LGALS9C: variants seen among roughly 807,000 people sequenced by gnomAD.
LGALS9C encodes the protein galectin 9C.
In LGALS9C, 7 loss-of-function variants were observed where a neutral mutation model predicts 41.3. The ratio of observed to expected loss-of-function variants is 0.17; its 90% confidence interval spans 0.10 to 0.32. The LOEUF (loss-of-function observed/expected upper bound fraction) is 0.32, where lower values mean the gene tolerates loss of function less well. Among genes scored for constraint, LGALS9C ranks in the 10% least tolerant of loss-of-function variants. The pLI, the probability that LGALS9C is intolerant of heterozygous loss-of-function variation, is 1.00. For missense variants in LGALS9C, 102 were observed against 455.2 expected (o/e 0.22, Z 7.06); for synonymous variants, 44 against 171.0 (o/e 0.26, Z 5.80).
At chr17:18,481,838 A>G (rs1321625652) in intron 1 of LGALS9C, among the ~76,000 whole-genome samples, 1 of 138,012 alleles carries the variant, frequency 7.2e-6, no homozygotes, top group African/African-American at 2.5e-5. Context: ...GTGTGGTCAC[A>G]TAACTCAACA....
chr17:18,482,053 C>T (rs1285183363), intron 1 of LGALS9C, among the ~76,000 whole-genome samples: 4 of 150,790 alleles, frequency 2.7e-5, no homozygotes, highest in Non-Finnish European at 4.5e-5. Context: ...CCCTCCCTCG[C>T]TTGCTTCTCT....
rs552653873 is a variant in LGALS9C, at chr17:18,478,532, C to T, written c.39+1639C>T. Reference sequence around the variant, plus strand: ...ATGCCGACAGTGGGGGAAGGTCACGCGGTTCATGTCCTGCTGAGGAGGGCT... The same window carrying T: ...ATGCCGACAGTGGGGGAAGGTCACGTGGTTCATGTCCTGCTGAGGAGGGCT... On this transcript the variant is annotated intron_variant, in intron 1 of 10. Transcript: ENST00000328114. 6.2e-4 allele frequency among the ~76,000 whole-genome samples: 80 copies of T among 129,616 alleles called. 8 individuals are homozygous for T. The highest frequency in any genetic ancestry group is 1.2e-3 in the Non-Finnish European group (64 of 53,612). 85.0% of individuals were successfully genotyped at this position (129,616 alleles called of 152,430 possible). A position where few individuals can be genotyped will look rare whatever the true frequency, so the allele number is the denominator to read the frequency against.
At chr17:18,477,207 T>G (rs1276509690) in intron 1 of LGALS9C, among the ~76,000 whole-genome samples, 1 of 130,970 alleles carries the variant, frequency 7.6e-6, no homozygotes, top group South Asian at 2.4e-4. Context: ...CAAGCATGCT[T>G]CTGGGACAGT....
At position 18,494,581 on chromosome 17, in the gene LGALS9C, C is replaced by T; in HGVS notation, c.*214C>T. ...TTGCCTTCCTCAGCCGCAGCAGCAC[C>T]TGGGGCGCCAGCTGCTGGAATCCTA... On this transcript the variant is annotated 3_prime_UTR_variant, in exon 11 of 11. Coordinates refer to ENST00000328114, the MANE Select transcript of LGALS9C (RefSeq NM_001040078.3). 1.3e-6 allele frequency: 1 copy of T among 779,878 alleles called. No homozygotes were observed. The highest frequency in any genetic ancestry group is 2.0e-6 in the Non-Finnish European group (1 of 492,724). 48.3% of individuals were successfully genotyped at this position (779,878 alleles called of 1,614,324 possible). A position where few individuals can be genotyped will look rare whatever the true frequency, so the allele number is the denominator to read the frequency against.
intron 4 of LGALS9C, 97 bp downstream of exon 4, chr17:18,487,854 T>A: frequency 1.3e-6 from 2 of 1,529,684 alleles, no homozygotes; most frequent in Non-Finnish European, 1.8e-6. Context: ...GCCAATCTCC[T>A]ACCCAGGTCA....
chr17:18,487,682 C>T lies in LGALS9C; in HGVS notation c.369C>T (p.Phe123=). The change falls in exon 4 of 11, where the codon TTC becomes TTT. Residue 123 remains phenylalanine, a synonymous_variant. Transcript: ENST00000328114. The part of the protein sequence containing the change: ...MVNGSLFVQY[F]HRVPFHRVDT... ...ACGGGAGCCTCTTCGTGCAGTACTT[C>T]CACCGCGTGCCCTTCCACCGTGTGG... 1 of 1,537,016 alleles carries T rather than the reference C, an allele frequency of 6.5e-7. No individual in the cohort carries two copies. The highest frequency in any genetic ancestry group is 8.9e-7 in the Non-Finnish European group (1 of 1,123,304).
chr17:18,483,292 G>A (rs1989462215), intron 1 of LGALS9C, among the ~76,000 whole-genome samples: 1 of 140,058 alleles, frequency 7.1e-6, no homozygotes, highest in Non-Finnish European at 1.7e-5. Context: ...AAGGTGGTCA[G>A]GAGGGCAAAG....
intron 10 of LGALS9C, among the ~76,000 whole-genome samples, chr17:18,493,177 A>G (rs1989884926): frequency 8.2e-6 from 1 of 121,656 alleles, no homozygotes; most frequent in South Asian, 2.7e-4. Context: ...GACTCATTCA[A>G]CGATTTCACT....
Position 18,479,833 on chromosome 17 carries a change from GA to G in LGALS9C, c.39+2942del. Among the ~76,000 whole-genome samples the G allele has an allele frequency of 1.6e-5, 2 of 127,486 alleles. 1 individual carries two copies. The highest frequency in any genetic ancestry group is 4.9e-4 in the South Asian group (2 of 4,058). 83.6% of individuals were successfully genotyped at this position (127,486 alleles called of 152,430 possible). A position where few individuals can be genotyped will look rare whatever the true frequency, so the allele number is the denominator to read the frequency against. On this transcript the variant is annotated intron_variant, in intron 1 of 10. Coordinates refer to ENST00000328114, the MANE Select transcript of LGALS9C (RefSeq NM_001040078.3). ...GTCTCCTTCCGGAGGCTCCAGGGGA[GA>G]ATCTGTTTCTTTTGCTTTTCCAGCT...
chr17:18,484,695 C>T (rs1479360087), intron 2 of LGALS9C, among the ~76,000 whole-genome samples: 9 of 150,768 alleles, frequency 6.0e-5, no homozygotes, highest in Admixed American at 3.3e-4. Context: ...GGCTCTCTCT[C>T]GGAAGCCTCT....
chr17:18,491,217 G>A (rs1989793135), intron 6 of LGALS9C, 56 bp from the exon 7 acceptor site: 4 of 1,379,686 alleles, frequency 2.9e-6, no homozygotes, highest in Middle Eastern at 1.8e-4. Context: ...TCTGGTGGGA[G>A]CTGGGGTGGT....
At chr17:18,477,031 A>T in intron 1 of LGALS9C, 138 bp downstream of exon 1, 1 of 1,013,846 alleles carries the variant, frequency 9.9e-7, no homozygotes. Flanking sequence ...CAGAAATGTC[A>T]GTGGGGGTCG....
chr17:18,480,208 CAA>C (rs1186218936), intron 1 of LGALS9C, among the ~76,000 whole-genome samples: 1,633 of 85,590 alleles, frequency 0.019, 40 homozygotes, highest in African/African-American at 0.049. Flanking sequence ...GATCCTGTCT[CAA>C]AAAAAAAAAA....
At chr17:18,478,495 C>T (rs375121619) in intron 1 of LGALS9C, among the ~76,000 whole-genome samples, 17 of 124,420 alleles carry the variant, frequency 1.4e-4, no homozygotes, top group African/African-American at 4.3e-4. Context: ...GTCGGAGTCA[C>T]GCTTTCTCCA....
At chr17:18,480,325 A>G (rs1598140362) in intron 1 of LGALS9C, among the ~76,000 whole-genome samples, 2 of 123,888 alleles carry the variant, frequency 1.6e-5, no homozygotes, top group East Asian at 1.9e-4. Context: ...CTTTTATGGG[A>G]CCTTTGTGAT....
intron 1 of LGALS9C, among the ~76,000 whole-genome samples, chr17:18,481,866 G>C (rs1276195707): frequency 1.4e-5 from 2 of 138,082 alleles, no homozygotes; most frequent in African/African-American, 5.0e-5. Flanking sequence ...CCAGAAAGCA[G>C]TGACCAGTAG....
rs187241317 is a variant in LGALS9C, at chr17:18,477,902, G to A, written c.39+1009G>A. ...GGGCAGAGGCAGGGTGCTGAGGGCA[G>A]GGAAGCTGCCAGGGGCCACCTCAGC... On this transcript the variant is annotated intron_variant, in intron 1 of 10. Transcript: ENST00000328114. 7.4e-3 allele frequency among the ~76,000 whole-genome samples: 958 copies of A among 129,218 alleles called. 13 individuals are homozygous for A. The highest frequency in any genetic ancestry group is 0.023 in the African/African-American group (899 of 39,258). The allele number at this position is 129,218 out of a possible 152,430, so 84.8% of individuals were successfully genotyped here. A position where few individuals can be genotyped will look rare whatever the true frequency, so the allele number is the denominator to read the frequency against.
rs1989951029 is a variant in LGALS9C at position 18,494,816 on chromosome 17, C to T, written c.*449C>T. 1 of 169,206 alleles carries T rather than the reference C, an allele frequency of 5.9e-6. No individual in the cohort carries two copies. Among genetic ancestry groups the T allele is most frequent in the South Asian group, 9.7e-5 (1 of 10,292 alleles). 10.5% of individuals were successfully genotyped at this position (169,206 alleles called of 1,614,324 possible). On this transcript the variant is annotated 3_prime_UTR_variant, in exon 11 of 11. Transcript: ENST00000328114. ...TTGCACCCTGCACCAACCCTTCACC[C>T]CTCCTGGAAAGCAGGCCTGATGGCT...
At chr17:18,487,840 C>T in intron 4 of LGALS9C, 83 bp downstream of exon 4, 3 of 1,567,200 alleles carry the variant, frequency 1.9e-6, no homozygotes, top group East Asian at 2.2e-5. Context: ...CTGGGGGGAC[C>T]CAAGCCAATC....
Sources: allele counts gnomAD v4.1 joint callset (sites outside exome capture counted in the v4.1 genomes callset), GRCh38; gene constraint gnomAD v4.1.1; transcripts MANE v1.5; gene names NCBI Gene and HGNC (gene_info 2026-07-23, HGNC 2026-07-21).